Variants in LATS2 observed in about 807,000 individuals in gnomAD.
LATS2 encodes serine/threonine-protein kinase LATS2.
LATS2 carries 24 observed loss-of-function variants against 76.0 expected under a neutral mutation model. The ratio of observed to expected loss-of-function variants is 0.32; its 90% CI spans 0.23 to 0.44. LATS2 has a LOEUF of 0.44. Ranked by LOEUF, LATS2 falls within the 20% of genes least tolerant of loss-of-function variation. The pLI, the probability that LATS2 is intolerant of heterozygous loss-of-function variation, is 1.00. For missense variants in LATS2, 1,286 were observed against 1,481.2 expected, an observed-to-expected ratio of 0.87 and a Z score of 2.16; for synonymous variants, 692 against 635.4, an observed-to-expected ratio of 1.09 and a Z score of -1.34.
chr13:21,005,572 A>AG (rs769480912), intron 2 of LATS2: 1 of 152,194 alleles, frequency 6.6e-6, no homozygotes, highest in Non-Finnish European at 1.5e-5. Flanking sequence ...TGTCTGCTGG[A>AG]GCTCTAGCAG....
chr13:20,974,789 C>T lies in LATS2; in HGVS notation c.*81G>A. The T allele has an allele frequency of 6.9e-7, 1 of 1,440,534 alleles. No homozygotes were observed. The highest frequency in any genetic ancestry group is 9.4e-7 in the Non-Finnish European group (1 of 1,068,650). 89.2% of individuals were successfully genotyped at this position (1,440,534 alleles called of 1,614,324 possible). A position where few individuals can be genotyped will look rare whatever the true frequency, so the allele number is the denominator to read the frequency against. On this transcript the variant is annotated 3_prime_UTR_variant, in exon 8 of 8. Transcript: ENST00000382592. The stretch of plus-strand genomic sequence containing the variant: ...TAATTTAAAACAAAACAGCCCTCGG[C>T]TTCCCTATTGGCCTGTGAGGGCACC...
chr13:20,995,666 T>C (rs910038515), intron 2 of LATS2, among the ~76,000 whole-genome samples: 1 of 152,128 alleles, frequency 6.6e-6, no homozygotes, highest in Non-Finnish European at 1.5e-5. Context: ...GTGTGGAAGA[T>C]GGAGATAAGG....
chr13:21,035,839 T>G (rs1872668975), intron 2 of LATS2, among the ~76,000 whole-genome samples: 2 of 152,212 alleles, frequency 1.3e-5, no homozygotes, highest in African/African-American at 4.8e-5. Context: ...ACCTAGGACC[T>G]GCGCCACTCA....
chr13:21,018,017 TG>T (rs923072421), intron 2 of LATS2: 4 of 152,206 alleles, frequency 2.6e-5, no homozygotes, highest in African/African-American at 9.6e-5. Context: ...AGCTACCATA[TG>T]GAAGTGGGAA....
intron 2 of LATS2, among the ~76,000 whole-genome samples, chr13:21,017,846 G>C (rs1458229304): frequency 6.6e-6 from 1 of 152,062 alleles, no homozygotes; most frequent in Non-Finnish European, 1.5e-5. Flanking sequence ...GACTGGTCTT[G>C]AACTCCTGAC....
intron 4 of LATS2, among the ~76,000 whole-genome samples, chr13:20,987,022 C>A (rs1038076255): frequency 6.6e-6 from 1 of 152,022 alleles, no homozygotes; most frequent in African/African-American, 2.4e-5. Flanking sequence ...GCGAAACCCC[C>A]GTCTCTACTA....
At chr13:21,038,912 G>A (rs573286913) in intron 2 of LATS2, among the ~76,000 whole-genome samples, 5 of 152,246 alleles carry the variant, frequency 3.3e-5, no homozygotes, top group East Asian at 1.9e-4. Flanking sequence ...CCCGCGAGGC[G>A]GAGGTTGTAA....
intron 3 of LATS2, 88 bp from the exon 4 acceptor site, chr13:20,989,392 G>GC (rs2138292603): frequency 7.2e-7 from 1 of 1,390,972 alleles, no homozygotes; most frequent in Non-Finnish European, 1.0e-6. Context: ...CTCTAGCGCT[G>GC]CCCTCGGGGC....
In LATS2 at chr13:20,975,103, T is replaced by G. The variant is rs1869538108; in HGVS notation, c.3034A>C (p.Asn1012His). ...FDPVDEESPWNDASEGSTKAW... is the reference protein window; with the variant it reads ...FDPVDEESPWHDASEGSTKAW... ...TTGGTGCTACCTTCGCTGGCATCGT[T>G]CCAAGGGCTTTCTTCATCTACGGGG... Residue 1012 changes from asparagine to histidine, a missense_variant, in exon 8 of 8, where the codon AAC (asparagine) becomes CAC (histidine). Physicochemically the swap from Asn to His is moderately conservative, Grantham distance 68 (BLOSUM62 1). Around this residue, in one of 5 missense-constraint regions of LATS2, gnomAD observed 210 missense variants for 234.9 expected, o/e 0.89. Coordinates refer to ENST00000382592, the MANE Select transcript of LATS2 (RefSeq NM_014572.3). The G allele has an allele frequency of 6.2e-7, 1 of 1,614,098 alleles. No individual in the cohort carries two copies. The highest frequency in any genetic ancestry group is 1.7e-5 in the Admixed American group (1 of 60,008).
intron 2 of LATS2, among the ~76,000 whole-genome samples, chr13:20,995,689 A>C (rs1870722200): frequency 6.6e-6 from 1 of 152,202 alleles, no homozygotes; most frequent in South Asian, 2.1e-4. Context: ...CACAGCAGAG[A>C]TGCACCAAGG....
In LATS2 at chr13:21,031,720, C is replaced by T. The variant is rs180809202; in HGVS notation, c.342+13965G>A. 4.6e-5 allele frequency among the ~76,000 whole-genome samples: 7 copies of T among 152,096 alleles called. No individual in the cohort carries two copies. The East Asian group carries it at 7.7e-4, about 17-fold the overall frequency. On this transcript the variant is annotated intron_variant, in intron 2 of 7. Coordinates refer to ENST00000382592, the MANE Select transcript of LATS2 (RefSeq NM_014572.3). The stretch of plus-strand genomic sequence containing the variant: ...TAAAAAAGTTAAAAAGTGAGCTGAG[C>T]GTGGCGAAGTGTGCCTGTAGTCACA...
intron 2 of LATS2, among the ~76,000 whole-genome samples, chr13:21,003,273 G>C (rs985236613): frequency 3.3e-5 from 5 of 151,920 alleles, no homozygotes; most frequent in Non-Finnish European, 7.4e-5. Context: ...TTTGAGAGGG[G>C]TCTTGCTCTA....
chr13:20,984,547 T>C (rs1870056481), intron 4 of LATS2, among the ~76,000 whole-genome samples: 1 of 152,168 alleles, frequency 6.6e-6, no homozygotes, highest in Non-Finnish European at 1.5e-5. Flanking sequence ...TATGGATATC[T>C]GGATTTCTGT....
rs1469587623 is a variant in LATS2 at position 20,973,677 on chromosome 13, G to C, written c.*1193C>G. The C allele has an allele frequency of 8.7e-6, 2 of 230,590 alleles. No homozygotes were observed. The highest frequency in any genetic ancestry group is 1.7e-5 in the Non-Finnish European group (2 of 116,366). 14.3% of individuals were successfully genotyped at this position (230,590 alleles called of 1,614,324 possible). A position where few individuals can be genotyped will look rare whatever the true frequency, so the allele number is the denominator to read the frequency against. On this transcript the variant is annotated 3_prime_UTR_variant, in exon 8 of 8. Transcript: ENST00000382592. Reference sequence around the variant, plus strand: ...CCAAGTTAAGATTTGATACTTCAAAGTACACTAAAAGAACAAAAAAAAAGT... The same window carrying C: ...CCAAGTTAAGATTTGATACTTCAAACTACACTAAAAGAACAAAAAAAAAGT...
chr13:20,981,562 G>A lies in LATS2; in HGVS notation c.2569C>T (p.Leu857=). 9.3e-6 allele frequency: 15 copies of A among 1,614,136 alleles called. No homozygotes were observed. The highest frequency in any genetic ancestry group is 1.3e-5 in the Non-Finnish European group (15 of 1,180,012). ...TGCTGCTTCCGCGCCCTCTGCTCTA[G>A]GGTCTTCAGCCTGTCCCCACACCGA... ...NCRCGDRLKT[L]EQRARKQHQR... is the part of the protein sequence containing the mutation. The change falls in exon 6 of 8, where the codon CTA becomes TTA. Residue 857 remains leucine (L), a synonymous_variant. Coordinates refer to ENST00000382592, the MANE Select transcript of LATS2 (RefSeq NM_014572.3).
rs185679828 is a variant in LATS2, at chr13:21,015,129, C to G, written c.343-23725G>C. On this transcript the variant is annotated intron_variant, in intron 2 of 7. Coordinates refer to ENST00000382592, the MANE Select transcript of LATS2 (RefSeq NM_014572.3). ...TCACATGCACAGTGTTCCAGGGAAA[C>G]TGTATAACTCTCTTGGTCCAGTAAT... Among the ~76,000 whole-genome samples the G allele has an allele frequency of 2.0e-5, 3 of 152,366 alleles. No individual in the cohort carries two copies. The East Asian group carries it at 5.8e-4, about 29-fold the overall frequency.
intron 2 of LATS2, among the ~76,000 whole-genome samples, chr13:21,008,616 T>C (rs1871450481): frequency 6.6e-6 from 1 of 152,096 alleles, no homozygotes; most frequent in African/African-American, 2.4e-5. Flanking sequence ...CCAGCAATCA[T>C]AGAACTTCAC....
At chr13:20,981,153 G>C (rs574883804) in intron 6 of LATS2, among the ~76,000 whole-genome samples, 34 of 152,196 alleles carry the variant, frequency 2.2e-4, no homozygotes, top group Non-Finnish European at 4.4e-4. Context: ...CAGAGGTCCT[G>C]TGGCCCTCAG....
At chr13:21,040,785 G>A (rs1328844045) in intron 2 of LATS2, among the ~76,000 whole-genome samples, 1 of 152,108 alleles carries the variant, frequency 6.6e-6, no homozygotes, top group African/African-American at 2.4e-5. Flanking sequence ...GGAATGAGAG[G>A]AGGGGAGAGG....
Sources: allele counts gnomAD v4.1 joint callset (sites outside exome capture counted in the v4.1 genomes callset), GRCh38; gene constraint gnomAD v4.1.1; regional missense constraint gnomAD v4.1.1; transcripts MANE v1.5; gene names NCBI Gene and HGNC (gene_info 2026-07-23, HGNC 2026-07-21).